Variants in ZNF700 observed in about 807,000 individuals in gnomAD.
ZNF700 encodes zinc finger protein 700.
Under a neutral mutation model 65.3 loss-of-function variants are expected in ZNF700, and 38 were observed. The observed-to-expected ratio is 0.58, with a 90% CI of 0.45 to 0.76. The LOEUF is 0.76. ZNF700 is among the 30% of genes least tolerant of loss of function. The probability of loss-of-function intolerance (pLI) is 0.00; values close to 1 mark genes in which losing one functional copy is unlikely to be tolerated. For missense variants in ZNF700, 857 were observed against 888.4 expected, an observed-to-expected ratio of 0.96 and a Z score of 0.45; for synonymous variants, 285 against 290.4, an observed-to-expected ratio of 0.98 and a Z score of 0.19.
At chr19:11,937,490 C>CTTTTT (rs1053539594) in intron 1 of ZNF700, among the ~76,000 whole-genome samples, 3 of 129,010 alleles carry the variant, frequency 2.3e-5, no homozygotes, top group Non-Finnish European at 3.3e-5. Flanking sequence ...TTTTTCTTTC[C>CTTTTT]TTTTTTTTTT....
chr19:11,939,161 T>C (rs1269874512), intron 1 of ZNF700, among the ~76,000 whole-genome samples: 1 of 152,244 alleles, frequency 6.6e-6, no homozygotes, highest in African/African-American at 2.4e-5. Flanking sequence ...AAAAATTTTC[T>C]CCCATTCTAT....
intron 1 of ZNF700, among the ~76,000 whole-genome samples, chr19:11,936,323 A>G (rs279247): frequency 0.18 from 26,824 of 151,992 alleles, 5,063 homozygotes; most frequent in African/African-American, 0.48. Context: ...AAGTGTTCCT[A>G]TTTCTCCACA....
chr19:11,932,794 C>T (rs564700466), intron 1 of ZNF700, among the ~76,000 whole-genome samples: 13 of 147,292 alleles, frequency 8.8e-5, no homozygotes, highest in Admixed American at 6.0e-4. Flanking sequence ...CCCGCCACCC[C>T]GTCCGGCTAA....
chr19:11,949,958 A>T lies in ZNF700; in HGVS notation c.1934A>T (p.Glu645Val). The T allele has an allele frequency of 6.2e-7, 1 of 1,614,102 alleles. No individual in the cohort carries two copies. Among genetic ancestry groups the T allele is most frequent in the Middle Eastern group, 1.6e-4 (1 of 6,062 alleles). ...LQMHERTHTG[E>V]KPYECKECEK... ...ATGCATGAAAGGACTCACACTGGAG[A>T]GAAACCCTATGAATGTAAGGAATGC... The change falls in exon 4 of 4, where the codon GAG becomes GTG. Residue 645 changes from glutamate to valine, a missense_variant. Glu to Val is a moderately radical substitution (Grantham distance 121). Around this residue, in one of 3 missense-constraint regions of ZNF700, gnomAD observed 251 missense variants for 250.3 expected, o/e 1.00. Coordinates refer to ENST00000254321, the MANE Select transcript of ZNF700 (RefSeq NM_144566.3).
In ZNF700 at chr19:11,948,470, C is replaced by T. The variant is rs374430658; in HGVS notation, c.446C>T (p.Thr149Ile). ...TTTAATATGAGCATCAGAGGTGACA[C>T]TGGACACAAGGCATATGAGTATCAG... The part of the protein sequence containing the change: ...SSFNMSIRGD[T>I]GHKAYEYQEY... The change falls in exon 4 of 4, where the codon ACT becomes ATT. Residue 149 changes from threonine (T) to isoleucine (I), a missense_variant. Physicochemically the swap from Thr to Ile is moderately conservative, Grantham distance 89. Coordinates refer to ENST00000254321, the MANE Select transcript of ZNF700 (RefSeq NM_144566.3). 2.5e-5 allele frequency: 40 copies of T among 1,614,096 alleles called. No homozygotes were observed. Among genetic ancestry groups the T allele is most frequent in the African/African-American group, 2.0e-4 (15 of 75,034 alleles).
intron 1 of ZNF700, among the ~76,000 whole-genome samples, chr19:11,935,428 G>A (rs1036134270): frequency 3.3e-5 from 5 of 151,674 alleles, no homozygotes; most frequent in Admixed American, 2.0e-4. Flanking sequence ...GTTGAGACTG[G>A]GTTTCACCAT....
intron 1 of ZNF700, among the ~76,000 whole-genome samples, chr19:11,941,708 G>A (rs966975759): frequency 1.1e-4 from 17 of 152,200 alleles, no homozygotes; most frequent in African/African-American, 2.7e-4. Flanking sequence ...TGAGGGAGCC[G>A]GCTCCCGCCT....
At chr19:11,944,370 A>G (rs776717550) in intron 1 of ZNF700, among the ~76,000 whole-genome samples, 1 of 152,108 alleles carries the variant, frequency 6.6e-6, no homozygotes, top group Non-Finnish European at 1.5e-5. Context: ...GTTTCTTGAC[A>G]CACTTTCCCT....
intron 1 of ZNF700, among the ~76,000 whole-genome samples, chr19:11,943,152 T>G (rs1398444424): frequency 1.3e-5 from 2 of 152,210 alleles, no homozygotes; most frequent in African/African-American, 4.8e-5. Context: ...ATCCTCCTAG[T>G]GCTGGAAACC....
At chr19:11,942,642 A>T (rs1274739841) in intron 1 of ZNF700, among the ~76,000 whole-genome samples, 1 of 152,238 alleles carries the variant, frequency 6.6e-6, no homozygotes, top group Non-Finnish European at 1.5e-5. Context: ...GATCAATTAA[A>T]CAAGGATGGA....
At chr19:11,945,888 C>T (rs1231539342) in intron 1 of ZNF700, among the ~76,000 whole-genome samples, 1 of 152,020 alleles carries the variant, frequency 6.6e-6, no homozygotes, top group Non-Finnish European at 1.5e-5. Flanking sequence ...CTTCATGTAC[C>T]CCTATAGTAC....
At chr19:11,946,246 C>T (rs1972956723) in intron 1 of ZNF700, among the ~76,000 whole-genome samples, 1 of 152,112 alleles carries the variant, frequency 6.6e-6, no homozygotes, top group African/African-American at 2.4e-5. Flanking sequence ...GGAGGGGTTT[C>T]TCCCGCAGCT....
Position 11,949,144 on chromosome 19 carries a change from G to C in ZNF700, c.1120G>C (p.Ala374Pro), listed in dbSNP as rs1973015192. ...CKICGKGFYSAKSFQTHEKTH... is the reference protein window; with the variant it reads ...CKICGKGFYSPKSFQTHEKTH... ...GATATGTGGGAAAGGCTTTTATTCT[G>C]CCAAGTCATTTCAAACACATGAAAA... is the stretch of plus-strand genomic sequence containing the variant. The change falls in exon 4 of 4, where the codon GCC becomes CCC. Residue 374 changes from alanine (A) to proline (P), a missense_variant. By Grantham distance (27) the Ala-to-Pro change is conservative. Transcript: ENST00000254321. The C allele has an allele frequency of 4.3e-6, 7 of 1,611,498 alleles. No individual in the cohort carries two copies. Among genetic ancestry groups the C allele is most frequent in the Non-Finnish European group, 5.9e-6 (7 of 1,179,402 alleles).
chr19:11,938,034 C>T (rs1265511492), intron 1 of ZNF700, among the ~76,000 whole-genome samples: 1 of 152,048 alleles, frequency 6.6e-6, no homozygotes, highest in Non-Finnish European at 1.5e-5. Flanking sequence ...TAAGGCTTGT[C>T]AGATACCTTT....
chr19:11,928,507 C>T lies in ZNF700; in HGVS notation c.63+3234C>T, dbSNP rs367749135. ...CAGCACTTTGGGAGGCCGAGGCGGGCGGATCACGAGGTCAGGAGATCGAGA... is the reference window on the plus strand; with the variant it reads ...CAGCACTTTGGGAGGCCGAGGCGGGTGGATCACGAGGTCAGGAGATCGAGA... On this transcript the variant is annotated intron_variant, in intron 1 of 3. Transcript: ENST00000254321. 8.6e-3 allele frequency among the ~76,000 whole-genome samples: 1,275 copies of T among 148,884 alleles called. 32 individuals carry two copies. Among genetic ancestry groups the T allele is most frequent in the African/African-American group, 0.028 (1,106 of 39,024 alleles).
chr19:11,945,912 G>A (rs541675949), intron 1 of ZNF700, among the ~76,000 whole-genome samples: 77 of 152,232 alleles, frequency 5.1e-4, no homozygotes, highest in Non-Finnish European at 8.2e-4. Context: ...TGCAGGGCAA[G>A]CAGAAAGCTT....
At chr19:11,941,010 TC>T (rs1243702887) in intron 1 of ZNF700, among the ~76,000 whole-genome samples, 1 of 151,934 alleles carries the variant, frequency 6.6e-6, no homozygotes, top group Non-Finnish European at 1.5e-5. Flanking sequence ...GTATTTACAA[TC>T]CCTGAGCTAG....
intron 1 of ZNF700, among the ~76,000 whole-genome samples, chr19:11,935,345 A>C (rs1403534057): frequency 6.9e-6 from 1 of 144,114 alleles, no homozygotes; most frequent in Admixed American, 7.3e-5. Flanking sequence ...CAAGTGATTC[A>C]TCTGCCTCAG....
In ZNF700 at chr19:11,925,186, C is replaced by T. The variant is rs376057720; in HGVS notation, c.-25C>T. 6.3e-5 allele frequency: 101 copies of T among 1,611,160 alleles called. No homozygotes were observed. The highest frequency in any genetic ancestry group is 8.4e-5 in the Non-Finnish European group (99 of 1,178,146). ...GAGGGACCTGGTGCCTGTACCCAGG[C>T]TTCTGTCGCTCTGTCGCCTGCGCTA... On this transcript the variant is annotated 5_prime_UTR_variant, in exon 1 of 4. Transcript: ENST00000254321.
Sources: gnomAD v4.1 joint callset for allele counts (sites outside exome capture counted in the v4.1 genomes callset) on GRCh38, gnomAD v4.1.1 for gene constraint, gnomAD v4.1.1 regional missense constraint, MANE v1.5 for transcripts, NCBI Gene and HGNC (gene_info 2026-07-23, HGNC 2026-07-21) for gene names.